CILK1: variants seen among roughly 807,000 people sequenced by gnomAD.
The protein encoded by CILK1 is serine/threonine-protein kinase ICK.
A neutral mutation model predicts 79.2 loss-of-function variants in CILK1; 47 were observed. That is an observed-to-expected ratio of 0.59 (90% CI 0.47 to 0.76). The LOEUF (loss-of-function observed/expected upper bound fraction) is 0.76. CILK1 is among the 30% of genes least tolerant of loss of function. The pLI is 0.00. For synonymous variants in CILK1, 266 were observed against 275.9 expected (o/e 0.96, Z 0.36); for missense variants, 660 against 769.5 (o/e 0.86, Z 1.68).
At chr6:53,039,143 T>C (rs915045085) in intron 2 of CILK1, among the ~76,000 whole-genome samples, 2 of 152,210 alleles carry the variant, frequency 1.3e-5, no homozygotes, top group Admixed American at 6.5e-5. Flanking sequence ...GCCCCTGCTA[T>C]GTAGTACAGT....
chr6:53,041,136 T>C lies in CILK1; in HGVS notation c.101A>G (p.Lys34Arg). ...IESGELIAIK[K>R]MKRKFYSWEE... ...CATGGCAGTGAAGGATCAAACTTAC[T>C]TTTTAATAGCGATCAGCTCCCCAGA... Residue 34 changes from lysine to arginine, a missense_variant and splice_region_variant, in exon 2 of 14, where the codon AAA becomes AGA. By Grantham distance (26) the Lys-to-Arg change is conservative. Coordinates refer to ENST00000676107, the MANE Select transcript of CILK1 (RefSeq NM_014920.5). 6.2e-7 allele frequency: 1 copy of C among 1,605,844 alleles called. No homozygotes were observed. Among genetic ancestry groups the C allele is most frequent in the South Asian group, 1.1e-5 (1 of 90,912 alleles).
At chr6:53,023,221 C>G (rs1164208832) in intron 5 of CILK1, among the ~76,000 whole-genome samples, 1 of 152,160 alleles carries the variant, frequency 6.6e-6, no homozygotes, top group East Asian at 1.9e-4. Context: ...GTGTAAGCCA[C>G]CGCACCTGGC....
intron 3 of CILK1, among the ~76,000 whole-genome samples, chr6:53,035,399 T>TA (rs896221836): frequency 6.6e-6 from 1 of 151,638 alleles, no homozygotes; most frequent in Non-Finnish European, 1.5e-5. Context: ...TTAAGATGGT[T>TA]AAAAAAAACC....
chr6:53,030,642 C>T (rs1249641366), intron 5 of CILK1, among the ~76,000 whole-genome samples: 1 of 152,102 alleles, frequency 6.6e-6, no homozygotes, highest in Non-Finnish European at 1.5e-5. Context: ...GTGTCGCATA[C>T]ATTTTGTTAG....
At chr6:53,010,490 G>A (rs1764508725) in intron 11 of CILK1, among the ~76,000 whole-genome samples, 1 of 152,270 alleles carries the variant, frequency 6.6e-6, no homozygotes, top group Admixed American at 6.5e-5. Flanking sequence ...ACCCTTCAGG[G>A]ACTTCTCATC....
rs138604662 is a variant in CILK1, at chr6:53,057,927, T to C, written c.-173+3669A>G. ...GAATATTTTGCTAATCCTGAGCCCA[T>C]ATAGTTTAAAAAAAGGGGGGAGCAG... On this transcript the variant is annotated intron_variant, in intron 1 of 13. Coordinates refer to ENST00000676107, the MANE Select transcript of CILK1 (RefSeq NM_014920.5). The C allele has an allele frequency of 3.3e-5, 5 of 152,204 alleles. No homozygotes were observed. In the East Asian group the frequency reaches 5.8e-4, roughly 18 times the overall value. The allele number at this position is 152,204 out of a possible 1,614,324, so 9.4% of individuals were successfully genotyped here. A position where few individuals can be genotyped will look rare whatever the true frequency, so the allele number is the denominator to read the frequency against.
chr6:53,045,421 C>A (rs1193361724), intron 1 of CILK1, among the ~76,000 whole-genome samples: 1 of 152,212 alleles, frequency 6.6e-6, no homozygotes, highest in African/African-American at 2.4e-5. Flanking sequence ...GCCAAAGCTA[C>A]ATGCATTTAG....
intron 9 of CILK1, among the ~76,000 whole-genome samples, chr6:53,012,639 C>CTT (rs1245477702): frequency 2.6e-5 from 4 of 151,382 alleles, no homozygotes; most frequent in African/African-American, 9.7e-5. Context: ...TTTTTTTTGC[C>CTT]TTCTCAGTAT....
chr6:53,021,340 G>T (rs561753256), intron 5 of CILK1, among the ~76,000 whole-genome samples: 1 of 151,002 alleles, frequency 6.6e-6, no homozygotes, highest in Non-Finnish European at 1.5e-5. Flanking sequence ...GGCGCGGGGG[G>T]GTTGGGGGGG....
At chr6:53,051,762 C>T (rs1384241978) in intron 1 of CILK1, among the ~76,000 whole-genome samples, 1 of 152,164 alleles carries the variant, frequency 6.6e-6, no homozygotes, top group East Asian at 1.9e-4. Context: ...ATTATTTAGC[C>T]TATCACTCCC....
At chr6:53,029,813 A>G (rs931849095) in intron 5 of CILK1, among the ~76,000 whole-genome samples, 2 of 152,194 alleles carry the variant, frequency 1.3e-5, no homozygotes, top group Admixed American at 6.5e-5. Flanking sequence ...TGTTGGTGCA[A>G]TATTTACAAT....
chr6:53,011,926 A>G lies in CILK1; in HGVS notation c.1344-9T>C. 31 of 1,614,182 alleles carry G rather than the reference A, an allele frequency of 1.9e-5. No homozygotes were observed. The highest frequency in any genetic ancestry group is 2.6e-5 in the Non-Finnish European group (31 of 1,180,014). ...CCAAAACACTCTCAAACCTGAATGA[A>G]GAGAGCATGGCTTGGGTCAGCACGA... On this transcript the variant is annotated splice_polypyrimidine_tract_variant and intron_variant, in intron 10 of 13. Transcript: ENST00000676107.
At chr6:53,047,693 G>A (rs1317719234) in intron 1 of CILK1, among the ~76,000 whole-genome samples, 1 of 151,902 alleles carries the variant, frequency 6.6e-6, no homozygotes. Context: ...AATCCCTCTG[G>A]AGACTACATA....
In CILK1 at chr6:53,031,050, C is replaced by A. The variant is rs771578686; in HGVS notation, c.358+15G>T. 6.5e-7 allele frequency: 1 copy of A among 1,544,048 alleles called. No homozygotes were observed. The highest frequency in any genetic ancestry group is 1.4e-5 in the African/African-American group (1 of 73,514). On this transcript the variant is annotated intron_variant, in intron 5 of 13. Transcript: ENST00000676107. Reference sequence around the variant, plus strand: ...TTCACTGCTCTTCAAAAGCACAACACTCCGAATCACCTACCGTGTTTGTGA... The same window carrying A: ...TTCACTGCTCTTCAAAAGCACAACAATCCGAATCACCTACCGTGTTTGTGA...
intron 7 of CILK1, among the ~76,000 whole-genome samples, chr6:53,017,508 C>T (rs375800521): frequency 1.3e-5 from 2 of 152,108 alleles, no homozygotes; most frequent in Admixed American, 6.5e-5. Flanking sequence ...ATGAAGTGAG[C>T]GATAGGAATA....
In CILK1 at chr6:53,032,622, G is replaced by T; in HGVS notation, c.189C>A (p.Val63=). The change falls in exon 4 of 14, where the codon GTC becomes GTA. Residue 63 remains valine (V), a synonymous_variant. Transcript: ENST00000676107. ...SLKKLNHANV[V]KLKEVIREND... Reference sequence around the variant, plus strand: ...TTTCCCTGATAACTTCTTTTAATTTGACTACATTGGCATGGTTGAGCTTCT... The same window carrying T: ...TTTCCCTGATAACTTCTTTTAATTTTACTACATTGGCATGGTTGAGCTTCT... 6.2e-7 allele frequency: 1 copy of T among 1,605,508 alleles called. No homozygotes were observed. The highest frequency in any genetic ancestry group is 1.1e-5 in the South Asian group (1 of 90,398).
At chr6:53,007,504 A>ATTTCTCACATCAT (rs1764297567) in intron 12 of CILK1, among the ~76,000 whole-genome samples, 1 of 152,270 alleles carries the variant, frequency 6.6e-6, no homozygotes, top group Non-Finnish European at 1.5e-5. Flanking sequence ...CTCACTCATC[A>ATTTCTCACATCAT]GATTAGCACA....
In CILK1 at chr6:53,009,501, G is replaced by C. The variant is rs1426967045; in HGVS notation, c.1559C>G (p.Ser520Cys). 1.2e-6 allele frequency: 2 copies of C among 1,612,556 alleles called. No homozygotes were observed. Among genetic ancestry groups the C allele is most frequent in the Non-Finnish European group, 1.7e-6 (2 of 1,178,512 alleles). ...GKEFIPPNPW[S>C]SSGLSGKSSG... ...AGATTTTCCAGACAAGCCAGAACTAGACCATGGATTAGGTGGAATAAATTC... is the reference window on the plus strand; with the variant it reads ...AGATTTTCCAGACAAGCCAGAACTACACCATGGATTAGGTGGAATAAATTC... Residue 520 changes from serine (S) to cysteine (C), a missense_variant, in exon 12 of 14, where the codon TCT becomes TGT. By Grantham distance (112) the Ser-to-Cys change is moderately radical. Coordinates refer to ENST00000676107, the MANE Select transcript of CILK1 (RefSeq NM_014920.5).
In CILK1 at chr6:53,003,816, T is replaced by A. The variant is rs1353665131; in HGVS notation, c.*1333A>T. ...GAGTAGTTTGAGCCCTAGGAGAATA[T>A]GAATCAATACACTGTTGAGATTGCA... On this transcript the variant is annotated 3_prime_UTR_variant, in exon 14 of 14. Coordinates refer to ENST00000676107, the MANE Select transcript of CILK1 (RefSeq NM_014920.5). The A allele has an allele frequency of 1.3e-5, 2 of 152,642 alleles. No homozygotes were observed. Among genetic ancestry groups the A allele is most frequent in the Admixed American group, 1.3e-4 (2 of 15,280 alleles). 9.5% of individuals were successfully genotyped at this position (152,642 alleles called of 1,614,324 possible).
Sources: allele counts gnomAD v4.1 joint callset (sites outside exome capture counted in the v4.1 genomes callset), GRCh38; gene constraint gnomAD v4.1.1; transcripts MANE v1.5; gene names NCBI Gene and HGNC (gene_info 2026-07-23, HGNC 2026-07-21).